SLC44A1: variants seen among roughly 807,000 people sequenced by gnomAD.
The protein encoded by SLC44A1 is solute carrier family 44 member 1.
Under a neutral mutation model 79.3 loss-of-function variants are expected in SLC44A1, and 26 were observed. That is an observed-to-expected ratio of 0.33 (90% CI 0.24 to 0.46). The LOEUF is 0.46. Ranked by LOEUF, SLC44A1 falls within the 20% of genes least tolerant of loss-of-function variation. The pLI, the probability that SLC44A1 is intolerant of heterozygous loss-of-function variation, is 1.00. For synonymous variants in SLC44A1, 263 were observed against 286.2 expected (o/e 0.92, Z 0.82); for missense variants, 688 against 798.1 (o/e 0.86, Z 1.66).
rs1274400783 is a variant in SLC44A1 at position 105,396,048 on chromosome 9, T to C, written c.*6992T>C. 1 of 985,112 alleles carries C rather than the reference T, an allele frequency of 1.0e-6. No individual in the cohort carries two copies. The highest frequency in any genetic ancestry group is 1.2e-6 in the Non-Finnish European group (1 of 829,800). 61.0% of individuals were successfully genotyped at this position (985,112 alleles called of 1,614,324 possible). On this transcript the variant is annotated 3_prime_UTR_variant, in exon 16 of 16. Transcript: ENST00000374720. ...CCTGTAGTCTGTGCTCAGAACTTGG[T>C]TTTTGGCCCCTATTGTTTTTGCCTA...
At chr9:105,367,465 T>A (rs7029443) in intron 12 of SLC44A1, among the ~76,000 whole-genome samples, 32,434 of 152,126 alleles carry the variant, frequency 0.21, 5,520 homozygotes, top group African/African-American at 0.47. Context: ...TAAAATAATT[T>A]GTAAGGCCAT....
chr9:105,430,991 G>GTTTTGTTTTGC lies in SLC44A1; in HGVS notation c.1951-7289_1951-7279dup, dbSNP rs1376480953. Among the ~76,000 whole-genome samples, 4 of 152,146 alleles carry GTTTTGTTTTGC rather than the reference G, an allele frequency of 2.6e-5. No homozygotes were observed. The East Asian group carries it at 7.7e-4, about 29-fold the overall frequency. ...GAGTGTGAAGTTGTATCTCAGTGTGGTTTTGTTTTGCATTTTCCTTATGAC... is the reference window on the plus strand; with the variant it reads ...GAGTGTGAAGTTGTATCTCAGTGTGGTTTTGTTTTGCTTTTGTTTTGCATTTTCCTTATGAC... On this transcript the variant is annotated intron_variant, in intron 15 of 15. Transcript: ENST00000374724.
intron 15 of SLC44A1, chr9:105,386,155 T>C (rs953861329): frequency 2.2e-5 from 22 of 978,794 alleles, no homozygotes; most frequent in Non-Finnish European, 2.7e-5. Flanking sequence ...ATATTATATA[T>C]GTATATGTAC....
At chr9:105,341,764 GT>G in intron 4 of SLC44A1, among the ~76,000 whole-genome samples, 1 of 152,300 alleles carries the variant, frequency 6.6e-6, no homozygotes, top group Admixed American at 6.5e-5. Flanking sequence ...CCTCAATTCT[GT>G]ATCTGTGTGA....
In SLC44A1 at chr9:105,350,678, C is replaced by T. The variant is rs1053367785; in HGVS notation, c.500+2227C>T. Among the ~76,000 whole-genome samples the T allele has an allele frequency of 2.6e-5, 4 of 152,244 alleles. No individual in the cohort carries two copies. In the South Asian group the frequency reaches 8.3e-4, roughly 32 times the overall value. On this transcript the variant is annotated intron_variant, in intron 5 of 15. Coordinates refer to ENST00000374720, the MANE Select transcript of SLC44A1 (RefSeq NM_080546.5). The stretch of plus-strand genomic sequence containing the variant: ...TGTCACCTTGAGCAAGTCTCTTAAC[C>T]TCTCTGTAAACCAAGTTTCCTCATG...
chr9:105,361,234 G>T lies in SLC44A1; in HGVS notation c.804G>T (p.Arg268Ser). The change falls in exon 8 of 16, where the codon AGG (arginine) becomes AGT (serine). Residue 268 changes from arginine to serine, a missense_variant. Arg to Ser is a moderately radical substitution (Grantham distance 110). Transcript: ENST00000374720. ...GGTGGCTGTATGCAAAGCAAAGAAG[G>T]TCTCCCAAAGAAACTGTTACTCCTG... Reference protein sequence around the residue: ...VLWWLYAKQRRSPKETVTPEQ... With the variant: ...VLWWLYAKQRSSPKETVTPEQ... The T allele has an allele frequency of 6.2e-7, 1 of 1,614,084 alleles. No homozygotes were observed. The highest frequency in any genetic ancestry group is 8.5e-7 in the Non-Finnish European group (1 of 1,179,944).
At chr9:105,375,045 G>A (rs954828015) in intron 13 of SLC44A1, among the ~76,000 whole-genome samples, 3 of 152,082 alleles carry the variant, frequency 2.0e-5, no homozygotes, top group African/African-American at 7.2e-5. Flanking sequence ...GTTGTTGTTT[G>A]TTTGTTTGTT....
intron 1 of SLC44A1, among the ~76,000 whole-genome samples, chr9:105,289,865 G>A (rs1339077998): frequency 6.6e-6 from 1 of 150,992 alleles, no homozygotes; most frequent in Admixed American, 6.6e-5. Flanking sequence ...CCAGGCTGGA[G>A]TGCAATGGTG....
intron 3 of SLC44A1, among the ~76,000 whole-genome samples, chr9:105,324,999 C>T (rs1012342345): frequency 2.0e-5 from 3 of 152,178 alleles, no homozygotes; most frequent in African/African-American, 2.4e-5. Context: ...TCCACTCCTT[C>T]GTATCTACCC....
At chr9:105,359,884 G>A (rs1564457490) in intron 7 of SLC44A1, among the ~76,000 whole-genome samples, 1 of 152,144 alleles carries the variant, frequency 6.6e-6, no homozygotes, top group Non-Finnish European at 1.5e-5. Context: ...CCAACAAATA[G>A]GTAATGGAAT....
At chr9:105,287,956 C>T (rs1830513485) in intron 1 of SLC44A1, among the ~76,000 whole-genome samples, 1 of 152,148 alleles carries the variant, frequency 6.6e-6, no homozygotes, top group African/African-American at 2.4e-5. Context: ...GTAGAAAAAG[C>T]ATAATCTGGA....
Position 105,389,770 on chromosome 9 carries a change from C to A in SLC44A1, c.*714C>A. The A allele has an allele frequency of 7.6e-7, 1 of 1,313,954 alleles. No individual in the cohort carries two copies. Among genetic ancestry groups the A allele is most frequent in the Non-Finnish European group, 9.7e-7 (1 of 1,026,508 alleles). The allele number at this position is 1,313,954 out of a possible 1,614,324, so 81.4% of individuals were successfully genotyped here. A position where few individuals can be genotyped will look rare whatever the true frequency, so the allele number is the denominator to read the frequency against. ...GGGTAGATAATCTTTCGTATGCAAA[C>A]TTTTCCCTTATATTTTGTCTTTCTT... On this transcript the variant is annotated 3_prime_UTR_variant, in exon 16 of 16. Transcript: ENST00000374720.
At chr9:105,355,948 T>TGC (rs1827608755) in intron 5 of SLC44A1, 2 of 451,692 alleles carry the variant, frequency 4.4e-6, no homozygotes, top group Non-Finnish European at 7.9e-6. Flanking sequence ...TGTGTGTGTG[T>TGC]GCGTTTCTTT....
chr9:105,250,572 CCTA>C (rs1829560587), intron 1 of SLC44A1, among the ~76,000 whole-genome samples: 2 of 152,086 alleles, frequency 1.3e-5, no homozygotes, highest in African/African-American at 4.8e-5. Flanking sequence ...ATGAGATAAA[CCTA>C]CTATCACTTT....
At chr9:105,256,741 TTTTTATTTTA>T (rs59529626) in intron 1 of SLC44A1, among the ~76,000 whole-genome samples, 10,877 of 130,838 alleles carry the variant, frequency 0.083, 750 homozygotes, top group African/African-American at 0.19. Context: ...TTTTGTATTA[TTTTTATTTTA>T]TTTTATTTTA....
intron 1 of SLC44A1, among the ~76,000 whole-genome samples, chr9:105,290,893 C>G (rs1257072444): frequency 6.6e-6 from 1 of 152,204 alleles, no homozygotes; most frequent in African/African-American, 2.4e-5. Flanking sequence ...TATCTTAATA[C>G]CTTTAACTGT....
At chr9:105,373,523 G>A (rs533726415) in intron 12 of SLC44A1, among the ~76,000 whole-genome samples, 70 of 152,270 alleles carry the variant, frequency 4.6e-4, no homozygotes, top group South Asian at 2.1e-3. Context: ...GTATTTTAAG[G>A]AACAGAAGGC....
chr9:105,305,097 A>C (rs1223012773), intron 2 of SLC44A1, among the ~76,000 whole-genome samples: 1 of 150,244 alleles, frequency 6.7e-6, no homozygotes, highest in African/African-American at 2.4e-5. Context: ...CAGCCTCCTG[A>C]GTAGCTGGTA....
chr9:105,409,408 A>G (rs57497195), intron 15 of SLC44A1, among the ~76,000 whole-genome samples: 2,168 of 152,304 alleles, frequency 0.014, 61 homozygotes, highest in African/African-American at 0.049. Flanking sequence ...ATGTGGGCCA[A>G]GTGCAGTGGC....
Sources: gnomAD v4.1 joint callset for allele counts (sites outside exome capture counted in the v4.1 genomes callset) on GRCh38, gnomAD v4.1.1 for gene constraint, MANE v1.5 for transcripts, NCBI Gene and HGNC (gene_info 2026-07-23, HGNC 2026-07-21) for gene names.